Variants in AKAP19 observed in about 807,000 individuals in gnomAD.
AKAP19 encodes small A-kinase anchoring protein.
At chr2:189,895,101 G>A in the AKAP19 span, among the ~76,000 whole-genome samples, 1 of 151,910 alleles carries the variant, frequency 6.6e-6, no homozygotes, top group Non-Finnish European at 1.5e-5. Context: ...TACAATTAAT[G>A]AAGAAATAAA....
At chr2:189,966,626 T>C in the AKAP19 span, among the ~76,000 whole-genome samples, 1 of 152,128 alleles carries the variant, frequency 6.6e-6, no homozygotes, top group Admixed American at 6.5e-5. Context: ...CTGGTGGCGG[T>C]TAGACAAACT....
At chr2:190,187,680 C>A in the AKAP19 span, among the ~76,000 whole-genome samples, 4 of 152,218 alleles carry the variant, frequency 2.6e-5, no homozygotes, top group Admixed American at 2.0e-4. Context: ...GGCAATATGG[C>A]TGTCTCTACA....
the AKAP19 span, among the ~76,000 whole-genome samples, chr2:189,974,630 T>C: frequency 6.6e-6 from 1 of 152,152 alleles, no homozygotes; most frequent in African/African-American, 2.4e-5. Context: ...CTTTGGTCTC[T>C]AGGTCTCTAA....
chr2:189,994,016 C>CTTT, the AKAP19 span, among the ~76,000 whole-genome samples: 1 of 141,874 alleles, frequency 7.0e-6, no homozygotes, highest in Non-Finnish European at 1.5e-5. Flanking sequence ...CTGCTCTGAT[C>CTTT]TTTTTTTTTT....
At chr2:190,031,517 G>A in the AKAP19 span, among the ~76,000 whole-genome samples, 1,533 of 151,332 alleles carry the variant, frequency 0.01, 4 homozygotes, top group Non-Finnish European at 0.016. Flanking sequence ...TGACAATGGT[G>A]GCAAAATAAA....
chr2:190,031,119 G>T, the AKAP19 span, among the ~76,000 whole-genome samples: 30,842 of 152,098 alleles, frequency 0.2, 3,358 homozygotes, highest in African/African-American at 0.29. Flanking sequence ...TGCCAGCCAG[G>T]TGACAGGAGG....
chr2:190,137,431 C>T, the AKAP19 span, among the ~76,000 whole-genome samples: 1 of 152,126 alleles, frequency 6.6e-6, no homozygotes, highest in African/African-American at 2.4e-5. Flanking sequence ...TTTCATTATC[C>T]TGGTCCCTGG....
At chr2:189,895,021 C>G in the AKAP19 span, among the ~76,000 whole-genome samples, 1 of 151,022 alleles carries the variant, frequency 6.6e-6, no homozygotes, top group Admixed American at 6.6e-5. Context: ...ATTGAAAGAA[C>G]AACACTAATG....
the AKAP19 span, among the ~76,000 whole-genome samples, chr2:190,027,909 G>A: frequency 2.0e-4 from 31 of 152,194 alleles, no homozygotes; most frequent in African/African-American, 5.8e-4. Flanking sequence ...AGATGCAAGG[G>A]TGCTTTTTTA....
At chr2:189,949,275 C>T in the AKAP19 span, among the ~76,000 whole-genome samples, 2 of 152,046 alleles carry the variant, frequency 1.3e-5, no homozygotes, top group Non-Finnish European at 2.9e-5. Flanking sequence ...GAAAAAAAGC[C>T]GGGCGCGATG....
At chr2:190,132,191 G>A in the AKAP19 span, among the ~76,000 whole-genome samples, 2,215 of 152,210 alleles carry the variant, frequency 0.015, 52 homozygotes, top group African/African-American at 0.05. Context: ...TGGATTAGGA[G>A]AACTGATATT....
chr2:189,930,790 T>G, the AKAP19 span: 1 of 816,390 alleles, frequency 1.2e-6, no homozygotes, highest in Non-Finnish European at 2.2e-6. Flanking sequence ...ATAAACTCCT[T>G]TAGGCAGATG....
At chr2:190,069,134 ATATGTG>A in the AKAP19 span, among the ~76,000 whole-genome samples, 4 of 88,040 alleles carry the variant, frequency 4.5e-5, no homozygotes. Flanking sequence ...GTGTGCATGC[ATATGTG>A]TGTGTGTGTG....
the AKAP19 span, among the ~76,000 whole-genome samples, chr2:190,173,136 A>G: frequency 6.6e-6 from 1 of 152,124 alleles, no homozygotes; most frequent in Non-Finnish European, 1.5e-5. Context: ...AATAAAATAA[A>G]AATGAGATGG....
chr2:189,994,020 T>C, the AKAP19 span, among the ~76,000 whole-genome samples: 1 of 151,936 alleles, frequency 6.6e-6, no homozygotes, highest in South Asian at 2.1e-4. Context: ...TCTGATCTTT[T>C]TTTTTTTTTG....
chr2:189,985,853 C>CA, the AKAP19 span, among the ~76,000 whole-genome samples: 8 of 151,812 alleles, frequency 5.3e-5, no homozygotes, highest in Admixed American at 6.6e-5. Context: ...GAATATAATA[C>CA]AAAAAAGGTA....
chr2:190,074,748 A>G, the AKAP19 span, among the ~76,000 whole-genome samples: 2 of 152,200 alleles, frequency 1.3e-5, no homozygotes, highest in African/African-American at 2.4e-5. Context: ...TAGGCCGTTA[A>G]GTAGATGGAC....
the AKAP19 span, among the ~76,000 whole-genome samples, chr2:190,182,458 T>C: frequency 6.6e-6 from 1 of 152,218 alleles, no homozygotes; most frequent in African/African-American, 2.4e-5. Flanking sequence ...CCTCAGTTTC[T>C]CATCTGTAAA....
chr2:190,168,020 G>T, the AKAP19 span, among the ~76,000 whole-genome samples: 1 of 152,158 alleles, frequency 6.6e-6, no homozygotes, highest in Non-Finnish European at 1.5e-5. Context: ...TCCCTTCCAC[G>T]CTTCTCTAGC....
Sources: gnomAD v4.1 joint callset for allele counts (sites outside exome capture counted in the v4.1 genomes callset) on GRCh38, gnomAD v4.1.1 for gene constraint, MANE v1.5 for transcripts, NCBI Gene and HGNC (gene_info 2026-07-23, HGNC 2026-07-21) for gene names.